The following STAT3 variants were observed in gnomAD, a reference collection of about 807,000 sequenced individuals.
The protein encoded by STAT3 is signal transducer and activator of transcription 3, also known as DNA-binding protein APRF.
A neutral mutation model predicts 114.3 loss-of-function variants in STAT3; 7 were observed. The observed-to-expected ratio is 0.06, with a 90% CI of 0.03 to 0.11. The LOEUF (loss-of-function observed/expected upper bound fraction) is 0.11, where lower values mean the gene tolerates loss of function less well. Among genes scored for constraint, STAT3 ranks in the 10% least tolerant of loss-of-function variants. STAT3 has a pLI of 1.00. For missense variants in STAT3, 364 were observed against 960.9 expected (o/e 0.38, Z 8.21); for synonymous variants, 331 against 354.5 (o/e 0.93, Z 0.74).
chr17:42,367,539 C>T (rs2083873570), intron 1 of STAT3, among the ~76,000 whole-genome samples: 1 of 152,080 alleles, frequency 6.6e-6, no homozygotes, highest in Admixed American at 6.6e-5. Flanking sequence ...CGTTTCTGCC[C>T]TAGGACTCTT....
At chr17:42,336,819 G>C (rs2082246891) in intron 8 of STAT3, among the ~76,000 whole-genome samples, 1 of 151,642 alleles carries the variant, frequency 6.6e-6, no homozygotes, top group African/African-American at 2.4e-5. Flanking sequence ...TGTCATTTTA[G>C]ATTACTAAAA....
At position 42,339,389 on chromosome 17, in the gene STAT3, G is replaced by A. The variant is rs1490665182; in HGVS notation, c.393C>T (p.His131=). ...TCTCCGTCACCACGGCTGCTGTGGG[G>A]TGGTTGGCCTGGCCCCCTTGCTGCC... ...TAAQQGGQAN[H]PTAAVVTEKQ... The change falls in exon 5 of 24, where the codon CAC becomes CAT. Residue 131 remains histidine (H), a synonymous_variant. Coordinates refer to ENST00000264657, the MANE Select transcript of STAT3 (RefSeq NM_139276.3). 2.5e-6 allele frequency: 4 copies of A among 1,614,158 alleles called. No homozygotes were observed. Among genetic ancestry groups the A allele is most frequent in the Non-Finnish European group, 2.5e-6 (3 of 1,180,024 alleles).
At chr17:42,360,059 CAA>C (rs71157617) in intron 1 of STAT3, among the ~76,000 whole-genome samples, 5 of 47,482 alleles carry the variant, frequency 1.1e-4, no homozygotes, top group Non-Finnish European at 7.9e-5. Flanking sequence ...GACTCCGTCT[CAA>C]AAAAAAAAAA....
At chr17:42,325,878 G>C (rs908544347) in intron 15 of STAT3, among the ~76,000 whole-genome samples, 3 of 152,148 alleles carry the variant, frequency 2.0e-5, no homozygotes, top group Non-Finnish European at 1.5e-5. Flanking sequence ...TTTCTAAATA[G>C]AGATTTTCAT....
At chr17:42,327,767 T>A (rs1229831326) in intron 14 of STAT3, among the ~76,000 whole-genome samples, 1 of 152,162 alleles carries the variant, frequency 6.6e-6, no homozygotes, top group African/African-American at 2.4e-5. Context: ...TGAATTCTAG[T>A]CTGGGCACAG....
intron 3 of STAT3, 136 bp from the exon 4 acceptor site, chr17:42,345,793 G>T: frequency 1.1e-6 from 1 of 894,916 alleles, no homozygotes; most frequent in Non-Finnish European, 1.8e-6. Flanking sequence ...AGGCTTCAGA[G>T]CCTGGGTGAA....
chr17:42,378,529 G>C (rs942336732), intron 1 of STAT3, among the ~76,000 whole-genome samples: 3 of 152,238 alleles, frequency 2.0e-5, no homozygotes, highest in Non-Finnish European at 4.4e-5. Flanking sequence ...TTACAGGCGT[G>C]AGCCATCGCT....
chr17:42,326,468 ACTGCAC>A (rs1185509016), intron 14 of STAT3, among the ~76,000 whole-genome samples: 2 of 152,064 alleles, frequency 1.3e-5, no homozygotes, highest in African/African-American at 4.8e-5. Flanking sequence ...TGATTGTGCC[ACTGCAC>A]TCTAGCTGGG....
intron 4 of STAT3, among the ~76,000 whole-genome samples, chr17:42,342,619 T>C (rs1364907969): frequency 1.3e-5 from 2 of 152,200 alleles, no homozygotes; most frequent in African/African-American, 4.8e-5. Context: ...CTAAGCATTT[T>C]ACATGTATGA....
At chr17:42,356,523 GTATA>G (rs896763430) in intron 1 of STAT3, among the ~76,000 whole-genome samples, 1 of 145,136 alleles carries the variant, frequency 6.9e-6, no homozygotes, top group African/African-American at 2.6e-5. Context: ...TTGTGTGTGT[GTATA>G]TATATATATA....
chr17:42,326,082 C>G, intron 15 of STAT3, 34 bp downstream of exon 15: 1 of 1,595,798 alleles, frequency 6.3e-7, no homozygotes, highest in South Asian at 1.1e-5. Flanking sequence ...CACCCCTGTA[C>G]GTAGCCTCTC....
intron 1 of STAT3, chr17:42,387,807 T>G (rs3736164): frequency 0.65 from 99,707 of 154,400 alleles, 33,644 homozygotes; most frequent in Admixed American, 0.78. Flanking sequence ...GGCACAGCTG[T>G]CTCCTGAAGG....
intron 4 of STAT3, among the ~76,000 whole-genome samples, chr17:42,343,062 C>T (rs1225149923): frequency 6.7e-6 from 1 of 148,736 alleles, no homozygotes; most frequent in African/African-American, 2.5e-5. Context: ...GTCCCAGCTA[C>T]TCATAAGGCT....
intron 1 of STAT3, among the ~76,000 whole-genome samples, chr17:42,376,420 G>A (rs1468836204): frequency 1.3e-5 from 2 of 150,684 alleles, no homozygotes; most frequent in Non-Finnish European, 3.0e-5. Context: ...GGTGGCACAC[G>A]CCTGTAGTCC....
intron 5 of STAT3, 32 bp downstream of exon 5, chr17:42,339,282 G>A (rs2144894613): frequency 1.9e-6 from 3 of 1,577,232 alleles, no homozygotes; most frequent in Non-Finnish European, 2.6e-6. Flanking sequence ...ATTAATGAAA[G>A]CTCCCTGCCC....
intron 10 of STAT3, among the ~76,000 whole-genome samples, chr17:42,332,685 A>G (rs1217956018): frequency 1.3e-5 from 2 of 151,976 alleles, no homozygotes; most frequent in Non-Finnish European, 2.9e-5. Flanking sequence ...TCTACTAAAA[A>G]TACAAAAATT....
chr17:42,347,776 T>C (rs1211453547), intron 2 of STAT3, among the ~76,000 whole-genome samples: 1 of 152,200 alleles, frequency 6.6e-6, no homozygotes, highest in Non-Finnish European at 1.5e-5. Context: ...ACCTCCCCCT[T>C]GCTCTCTTGC....
intron 1 of STAT3, among the ~76,000 whole-genome samples, chr17:42,385,306 T>C (rs780012456): frequency 5.3e-5 from 8 of 152,018 alleles, no homozygotes; most frequent in African/African-American, 7.2e-5. Context: ...GTCAGGAGTT[T>C]GAGACCAGCC....
At chr17:42,361,376 G>T (rs2083498152) in intron 1 of STAT3, among the ~76,000 whole-genome samples, 1 of 151,942 alleles carries the variant, frequency 6.6e-6, no homozygotes, top group Non-Finnish European at 1.5e-5. Flanking sequence ...TCAGCTACTT[G>T]GGAGGCTGAG....
Sources: allele counts gnomAD v4.1 joint callset (sites outside exome capture counted in the v4.1 genomes callset), GRCh38; gene constraint gnomAD v4.1.1; transcripts MANE v1.5; gene names NCBI Gene and HGNC (gene_info 2026-07-23, HGNC 2026-07-21).